PCDHGA2: variants seen among roughly 807,000 people sequenced by gnomAD.
PCDHGA2 encodes protocadherin gamma subfamily A, 2.
In PCDHGA2, 40 loss-of-function variants were observed where a neutral mutation model predicts 59.2. The ratio of observed to expected loss-of-function variants is 0.68; its 90% CI spans 0.52 to 0.88. The LOEUF (loss-of-function observed/expected upper bound fraction) is 0.88, where lower values mean the gene tolerates loss of function less well. Among genes scored for constraint, PCDHGA2 ranks in the 40% least tolerant of loss-of-function variants. The pLI is 0.00. For missense variants in PCDHGA2, 1,226 were observed against 1,204.0 expected (o/e 1.02, Z -0.27); for synonymous variants, 560 against 526.0 (o/e 1.06, Z -0.89).
chr5:141,390,486 G>GT (rs2092161053), intron 1 of PCDHGA2: 4 of 649,376 alleles, frequency 6.2e-6, no homozygotes, highest in Non-Finnish European at 7.7e-6. Flanking sequence ...ACATTTGTTT[G>GT]TTTTTTAGCC....
chr5:141,354,535 T>C (rs1047820786), intron 1 of PCDHGA2, among the ~76,000 whole-genome samples: 3 of 152,200 alleles, frequency 2.0e-5, no homozygotes, highest in African/African-American at 7.2e-5. Flanking sequence ...TGCCCCAGGT[T>C]CTAGAGGGTC....
rs1561964279 is a variant in PCDHGA2 at position 141,456,201 on chromosome 5, A to G, written c.2425-38606A>G. 2.0e-5 allele frequency among the ~76,000 whole-genome samples: 3 copies of G among 152,228 alleles called. No homozygotes were observed. The South Asian group carries it at 6.2e-4, about 32-fold the overall frequency. On this transcript the variant is annotated intron_variant, in intron 1 of 3. Coordinates refer to ENST00000394576, the MANE Select transcript of PCDHGA2 (RefSeq NM_018915.4). ...ATAATTTCTTAATAACTCCTACCAC[A>G]TTCCTCCCTGTGGCGATATCAAACT...
At chr5:141,497,464 TGGA>T (rs769464389) in intron 2 of PCDHGA2, among the ~76,000 whole-genome samples, 3 of 151,764 alleles carry the variant, frequency 2.0e-5, no homozygotes, top group Non-Finnish European at 4.4e-5. Context: ...CTTGGAGATA[TGGA>T]GGAGAAGGTG....
At chr5:141,381,763 A>G (rs1419623732) in intron 1 of PCDHGA2, among the ~76,000 whole-genome samples, 2 of 151,122 alleles carry the variant, frequency 1.3e-5, no homozygotes, top group Non-Finnish European at 2.9e-5. Context: ...CTACTACTAT[A>G]TAATCAATAA....
chr5:141,360,850 C>T (rs762068366), intron 1 of PCDHGA2: 4 of 1,613,866 alleles, frequency 2.5e-6, no homozygotes, highest in East Asian at 2.2e-5. Context: ...CAACGATAAC[C>T]CTCCAGTGTT....
chr5:141,408,336 C>A, intron 1 of PCDHGA2: 1 of 1,613,910 alleles, frequency 6.2e-7, no homozygotes, highest in Non-Finnish European at 8.5e-7. Flanking sequence ...GCCAAGGGCT[C>A]GGTGGTGGGG....
At chr5:141,376,453 T>C (rs779136467) in intron 1 of PCDHGA2, 2 of 1,614,048 alleles carry the variant, frequency 1.2e-6, no homozygotes, top group African/African-American at 2.7e-5. Flanking sequence ...AAAGCGAGCC[T>C]CTTCTGATAA....
chr5:141,345,365 C>G, intron 1 of PCDHGA2: 1 of 1,614,166 alleles, frequency 6.2e-7, no homozygotes, highest in Non-Finnish European at 8.5e-7. Flanking sequence ...ATGTGATTGA[C>G]ATCAATGACA....
chr5:141,434,547 A>G (rs1277148299), intron 1 of PCDHGA2, among the ~76,000 whole-genome samples: 1 of 152,232 alleles, frequency 6.6e-6, no homozygotes, highest in East Asian at 1.9e-4. Context: ...AGCATGAGTG[A>G]TCTGTGCCTT....
intron 1 of PCDHGA2, among the ~76,000 whole-genome samples, chr5:141,455,095 A>G (rs910300076): frequency 2.6e-5 from 4 of 151,836 alleles, no homozygotes; most frequent in African/African-American, 9.7e-5. Flanking sequence ...TACAGGCTTG[A>G]GCCACTGCGC....
At position 141,341,040 on chromosome 5, in the gene PCDHGA2, C is replaced by A; in HGVS notation, c.2069C>A (p.Thr690Asn). Residue 690 changes from threonine to asparagine, a missense_variant, in exon 1 of 4, where the codon ACT (threonine) becomes AAT (asparagine). Transcript: ENST00000394576. ...PSAIPNDSDLTLYLVVAVAAV... is the reference protein window; with the variant it reads ...PSAIPNDSDLNLYLVVAVAAV... ...GCCATACCCAACGATTCGGACCTCA[C>A]TCTGTACCTGGTGGTGGCGGTGGCC... 1 of 1,614,140 alleles carries A rather than the reference C, an allele frequency of 6.2e-7. No individual in the cohort carries two copies. The highest frequency in any genetic ancestry group is 8.5e-7 in the Non-Finnish European group (1 of 1,180,018).
chr5:141,501,314 C>G, intron 2 of PCDHGA2, among the ~76,000 whole-genome samples: 1 of 151,728 alleles, frequency 6.6e-6, no homozygotes, highest in Non-Finnish European at 1.5e-5. Flanking sequence ...CACACACACA[C>G]ACACACACAC....
At position 141,341,077 on chromosome 5, in the gene PCDHGA2, C is replaced by A. The variant is rs768909381; in HGVS notation, c.2106C>A (p.Cys702Ter). ...YLVVAVAAVS[C>*]VFLAFVIVLL... ...TGGTGGCGGTGGCCGCGGTCTCCTG[C>A]GTCTTCCTGGCCTTCGTCATCGTGT... Residue 702 changes from cysteine to a stop codon, truncating the protein, a stop_gained, in exon 1 of 4, where the codon TGC becomes TGA. Transcript: ENST00000394576. LOFTEE classifies it high-confidence loss of function. 9 of 1,614,196 alleles carry A rather than the reference C, an allele frequency of 5.6e-6. No homozygotes were observed. The East Asian group carries it at 1.6e-4, about 28-fold the overall frequency.
chr5:141,484,695 G>A (rs1371166304), intron 1 of PCDHGA2, among the ~76,000 whole-genome samples: 3 of 151,920 alleles, frequency 2.0e-5, no homozygotes, highest in Non-Finnish European at 4.4e-5. Context: ...TCAGGCTGTG[G>A]CTGTTTTCCC....
At chr5:141,465,323 G>A (rs757662972) in intron 1 of PCDHGA2, among the ~76,000 whole-genome samples, 1 of 152,138 alleles carries the variant, frequency 6.6e-6, no homozygotes, top group Non-Finnish European at 1.5e-5. Flanking sequence ...TGTCAATGCA[G>A]TATTTTTTAT....
chr5:141,383,453 G>C lies in PCDHGA2; in HGVS notation c.2424+42058G>C, dbSNP rs116033027. 4.2e-4 allele frequency: 670 copies of C among 1,613,934 alleles called. 4 individuals are homozygous for C. The African/African-American group carries it at 7.6e-3, about 18-fold the overall frequency. The stretch of plus-strand genomic sequence containing the variant: ...CACTTCTCCCTGGCTGTGCAAAGTG[G>C]AGACGATGAAACTAAGTACCCGGAA... On this transcript the variant is annotated intron_variant, in intron 1 of 3. Coordinates refer to ENST00000394576, the MANE Select transcript of PCDHGA2 (RefSeq NM_018915.4).
intron 1 of PCDHGA2, chr5:141,420,568 T>C (rs2096507107): frequency 8.5e-6 from 2 of 235,080 alleles, no homozygotes; most frequent in African/African-American, 2.3e-5. Flanking sequence ...CGGCATGGTA[T>C]TTTAATTGAA....
rs941713920 is a variant in PCDHGA2 at position 141,338,830 on chromosome 5, A to C, written c.-142A>C. The C allele has an allele frequency of 2.9e-6, 4 of 1,391,680 alleles. No homozygotes were observed. Among genetic ancestry groups the C allele is most frequent in the Non-Finnish European group, 2.8e-6 (3 of 1,077,068 alleles). 86.2% of individuals were successfully genotyped at this position (1,391,680 alleles called of 1,614,324 possible). On this transcript the variant is annotated 5_prime_UTR_variant, in exon 1 of 4. Transcript: ENST00000394576. ...CCCTAAAGCTTCAGGACACCAAAGA[A>C]ATTCAGTCGAACAGCCCACCAGTTC...
chr5:141,495,545 A>G (rs1174346915), intron 2 of PCDHGA2, among the ~76,000 whole-genome samples: 3 of 151,824 alleles, frequency 2.0e-5, no homozygotes, highest in Non-Finnish European at 4.4e-5. Flanking sequence ...CTCAGTCTCT[A>G]TCTCGCTTTG....
Sources: gnomAD v4.1 joint callset for allele counts (sites outside exome capture counted in the v4.1 genomes callset) on GRCh38, gnomAD v4.1.1 for gene constraint, MANE v1.5 for transcripts, NCBI Gene and HGNC (gene_info 2026-07-23, HGNC 2026-07-21) for gene names.